Variants in NAALADL2 observed in about 807,000 individuals in gnomAD.
NAALADL2 encodes inactive N-acetylated-alpha-linked acidic dipeptidase-like protein 2.
A neutral mutation model predicts 87.2 loss-of-function variants in NAALADL2; 76 were observed. That is an observed-to-expected ratio of 0.87 (90% confidence interval 0.72 to 1.05). The LOEUF (loss-of-function observed/expected upper bound fraction) is 1.05. NAALADL2 is among the 50% of genes least tolerant of loss of function. The pLI is 0.00. For missense variants in NAALADL2, 1,089 were observed against 945.8 expected (o/e 1.15, Z -1.99); for synonymous variants, 354 against 331.0 (o/e 1.07, Z -0.75).
At chr3:174,472,999 C>G (rs73881170) in intron 1 of NAALADL2, among the ~76,000 whole-genome samples, 2,216 of 152,224 alleles carry the variant, frequency 0.015, 48 homozygotes, top group African/African-American at 0.051. Flanking sequence ...TTTCTTCTGA[C>G]AGAAGCATTT....
intron 1 of NAALADL2, among the ~76,000 whole-genome samples, chr3:174,501,613 A>G (rs1718902523): frequency 6.6e-6 from 1 of 152,140 alleles, no homozygotes; most frequent in Admixed American, 6.5e-5. Context: ...TTTATTCTTG[A>G]ATGAGCTTTG....
At chr3:175,308,545 T>C (rs1328607830) in intron 4 of NAALADL2, among the ~76,000 whole-genome samples, 2 of 152,222 alleles carry the variant, frequency 1.3e-5, no homozygotes, top group Non-Finnish European at 2.9e-5. Context: ...ATGTAGCATG[T>C]TGGTTTAACA....
chr3:174,898,579 C>T (rs918820477), intron 1 of NAALADL2, among the ~76,000 whole-genome samples: 27 of 151,768 alleles, frequency 1.8e-4, no homozygotes, highest in African/African-American at 6.5e-4. Context: ...TACTTATTTC[C>T]AATTGCGTGC....
chr3:174,645,014 G>C (rs1723634600), intron 2 of NAALADL2, among the ~76,000 whole-genome samples: 1 of 152,208 alleles, frequency 6.6e-6, no homozygotes, highest in Admixed American at 6.5e-5. Flanking sequence ...GAAAGGATGA[G>C]AACACCTTCT....
intron 2 of NAALADL2, among the ~76,000 whole-genome samples, chr3:174,720,497 C>G (rs1167564584): frequency 6.6e-6 from 1 of 151,788 alleles, no homozygotes; most frequent in Non-Finnish European, 1.5e-5. Flanking sequence ...TGGAAAAGTA[C>G]TTTGTTATAA....
chr3:174,837,793 CA>C (rs769855751), intron 3 of NAALADL2, among the ~76,000 whole-genome samples: 2 of 150,622 alleles, frequency 1.3e-5, no homozygotes, highest in Non-Finnish European at 3.0e-5. Flanking sequence ...GACTCTGTCT[CA>C]AAAAAAACAA....
At chr3:174,627,398 G>A (rs1239609570) in intron 2 of NAALADL2, among the ~76,000 whole-genome samples, 1 of 152,094 alleles carries the variant, frequency 6.6e-6, no homozygotes, top group African/African-American at 2.4e-5. Context: ...ATCTTACACA[G>A]ATCAGAATGC....
intron 9 of NAALADL2, among the ~76,000 whole-genome samples, chr3:175,502,227 G>GT (rs2149370998): frequency 7.5e-6 from 1 of 132,720 alleles, no homozygotes; most frequent in South Asian, 2.3e-4. Flanking sequence ...CCATTATCCT[G>GT]GGTGTGTGTG....
chr3:174,860,519 T>C (rs2109532066), intron 1 of NAALADL2, among the ~76,000 whole-genome samples: 1 of 152,222 alleles, frequency 6.6e-6, no homozygotes, highest in Middle Eastern at 3.4e-3. Flanking sequence ...ATGTACAAGA[T>C]TATAACATAT....
chr3:175,320,908 C>G (rs2110394849), intron 4 of NAALADL2, among the ~76,000 whole-genome samples: 1 of 149,296 alleles, frequency 6.7e-6, no homozygotes, highest in Non-Finnish European at 1.5e-5. Flanking sequence ...ACCAGAGGTA[C>G]AAGGAGGAAC....
chr3:175,641,567 T>C (rs1294003763), intron 11 of NAALADL2, among the ~76,000 whole-genome samples: 1 of 152,210 alleles, frequency 6.6e-6, no homozygotes, highest in African/African-American at 2.4e-5. Context: ...ACAATGTGAT[T>C]GCTTCCTCTC....
intron 2 of NAALADL2, among the ~76,000 whole-genome samples, chr3:174,645,148 C>T (rs1409254491): frequency 6.6e-6 from 1 of 152,138 alleles, no homozygotes; most frequent in East Asian, 1.9e-4. Flanking sequence ...AGAACTCCAA[C>T]TTCGGGTAGC....
At chr3:174,606,454 C>T (rs903099378) in intron 2 of NAALADL2, among the ~76,000 whole-genome samples, 5 of 152,130 alleles carry the variant, frequency 3.3e-5, no homozygotes, top group Admixed American at 6.5e-5. Context: ...ACTAGAATAA[C>T]CAATATAGAG....
intron 1 of NAALADL2, among the ~76,000 whole-genome samples, chr3:174,968,389 G>A (rs890038986): frequency 6.6e-6 from 1 of 152,018 alleles, no homozygotes; most frequent in Non-Finnish European, 1.5e-5. Flanking sequence ...AGGAAGCCAA[G>A]GCTCAAATAC....
intron 2 of NAALADL2, among the ~76,000 whole-genome samples, chr3:174,696,593 T>TAAAAAAAAAAAAAAAAAAA (rs62946360): frequency 9.0e-6 from 1 of 110,524 alleles, no homozygotes; most frequent in African/African-American, 3.8e-5. Context: ...TGTAGTTATC[T>TAAAAAAAAAAAAAAAAAAA]AAAAAAAAAA....
At chr3:175,726,823 G>A (rs1742992517) in intron 11 of NAALADL2, among the ~76,000 whole-genome samples, 1 of 152,098 alleles carries the variant, frequency 6.6e-6, no homozygotes, top group African/African-American at 2.4e-5. Context: ...AGGAAATGGG[G>A]CTTTCAGCAG....
intron 2 of NAALADL2, among the ~76,000 whole-genome samples, chr3:174,651,299 T>C (rs1404356956): frequency 6.6e-6 from 1 of 152,216 alleles, no homozygotes; most frequent in African/African-American, 2.4e-5. Context: ...TATTGGCTTT[T>C]AGAAAGTTAA....
intron 11 of NAALADL2, among the ~76,000 whole-genome samples, chr3:175,631,293 G>C (rs183784749): frequency 4.0e-5 from 6 of 151,742 alleles, no homozygotes; most frequent in Non-Finnish European, 5.9e-5. Flanking sequence ...GTGCAATTTT[G>C]TTACATGAAC....
intron 1 of NAALADL2, among the ~76,000 whole-genome samples, chr3:175,013,101 T>TGTA (rs1553916709): frequency 1.0e-4 from 6 of 58,558 alleles, no homozygotes; most frequent in South Asian, 4.6e-4. Flanking sequence ...TATATAAATA[T>TGTA]ACATATTTAT....
Sources: allele counts gnomAD v4.1 joint callset (sites outside exome capture counted in the v4.1 genomes callset), GRCh38; gene constraint gnomAD v4.1.1; transcripts MANE v1.5; gene names NCBI Gene and HGNC (gene_info 2026-07-23, HGNC 2026-07-21).